NBAS: variants seen among roughly 807,000 people sequenced by gnomAD.
NBAS encodes the protein NBAS subunit of NRZ tethering complex.
NBAS carries 219 observed loss-of-function variants against 302.5 expected under a neutral mutation model. That is an observed-to-expected ratio of 0.72 (90% confidence interval 0.65 to 0.81). NBAS has a LOEUF of 0.81. NBAS is among the 30% of genes least tolerant of loss of function. The pLI is 0.00. For missense variants in NBAS, 2,932 were observed against 2,841.6 expected (o/e 1.03, Z -0.72); for synonymous variants, 1,118 against 1,021.6 (o/e 1.09, Z -1.80).
intron 50 of NBAS, among the ~76,000 whole-genome samples, chr2:15,180,941 T>A (rs1572405593): frequency 4.6e-5 from 7 of 152,274 alleles, no homozygotes; most frequent in Admixed American, 4.6e-4. Context: ...AAAACTATAC[T>A]TCCTCCGCAA....
intron 12 of NBAS, among the ~76,000 whole-genome samples, chr2:15,480,310 C>T (rs974872210): frequency 2.0e-5 from 3 of 151,630 alleles, no homozygotes; most frequent in African/African-American, 4.9e-5. Flanking sequence ...CACCACACTC[C>T]AGCCTGGGCA....
At chr2:15,113,401 C>G in the NBAS span, among the ~76,000 whole-genome samples, 2 of 139,532 alleles carry the variant, frequency 1.4e-5, no homozygotes, top group Non-Finnish European at 3.1e-5. Context: ...AGAAACAATG[C>G]CAATCTATTG....
intron 51 of NBAS, among the ~76,000 whole-genome samples, chr2:15,174,480 T>C (rs1199294133): frequency 6.6e-6 from 1 of 152,186 alleles, no homozygotes; most frequent in Non-Finnish European, 1.5e-5. Context: ...TGCTCTCGTG[T>C]CATAATCTCA....
the NBAS span, among the ~76,000 whole-genome samples, chr2:15,003,904 G>A: frequency 1.3e-5 from 2 of 152,140 alleles, no homozygotes; most frequent in Non-Finnish European, 2.9e-5. Context: ...ATAAATGCAG[G>A]ACACAGTATC....
chr2:15,414,717 G>T (rs1262286337), intron 25 of NBAS, among the ~76,000 whole-genome samples: 1 of 152,220 alleles, frequency 6.6e-6, no homozygotes, highest in African/African-American at 2.4e-5. Context: ...GGCCGAGGCA[G>T]GCGGATCACC....
chr2:14,921,777 T>G, the NBAS span, among the ~76,000 whole-genome samples: 1 of 152,278 alleles, frequency 6.6e-6, no homozygotes, highest in East Asian at 1.9e-4. Flanking sequence ...CCAAGCATCA[T>G]AGTTGGCTGA....
chr2:15,190,457 T>C, intron 48 of NBAS, 54 bp from the exon 49 acceptor site: 4 of 1,596,810 alleles, frequency 2.5e-6, no homozygotes, highest in Non-Finnish European at 3.4e-6. Context: ...TGAATTGGTT[T>C]ATAGAATAAT....
chr2:15,545,953 A>G (rs1381210247), intron 6 of NBAS, among the ~76,000 whole-genome samples: 2 of 152,196 alleles, frequency 1.3e-5, no homozygotes, highest in Non-Finnish European at 2.9e-5. Context: ...ATCAAATACA[A>G]TATCTAGTGG....
At chr2:15,137,890 C>G in the NBAS span, among the ~76,000 whole-genome samples, 1 of 152,202 alleles carries the variant, frequency 6.6e-6, no homozygotes, top group Non-Finnish European at 1.5e-5. Context: ...ACCCTCTTGT[C>G]TCAGCCCACT....
chr2:14,929,595 C>T, the NBAS span, among the ~76,000 whole-genome samples: 2 of 152,310 alleles, frequency 1.3e-5, no homozygotes, highest in Admixed American at 6.5e-5. Context: ...TCAGGCTGGT[C>T]TCGAGCTCCT....
intron 32 of NBAS, among the ~76,000 whole-genome samples, chr2:15,357,343 T>C (rs1027289308): frequency 6.6e-6 from 1 of 152,182 alleles, no homozygotes; most frequent in Admixed American, 6.5e-5. Context: ...TCACACTCAC[T>C]CAGAAGAGCC....
At chr2:15,459,299 C>T (rs1471817149) in intron 21 of NBAS, among the ~76,000 whole-genome samples, 2 of 152,110 alleles carry the variant, frequency 1.3e-5, no homozygotes, top group Admixed American at 1.3e-4. Context: ...GCCCTTTTCT[C>T]TATACTAACA....
chr2:15,396,220 A>C (rs1017411752), intron 27 of NBAS, among the ~76,000 whole-genome samples, 193 bp downstream of exon 27: 2 of 152,144 alleles, frequency 1.3e-5, no homozygotes, highest in African/African-American at 4.8e-5. Context: ...TTCAAAGACC[A>C]TGTTATTATT....
At chr2:14,936,554 G>T in the NBAS span, among the ~76,000 whole-genome samples, 1 of 152,184 alleles carries the variant, frequency 6.6e-6, no homozygotes, top group Non-Finnish European at 1.5e-5. Context: ...GGCATGTGGA[G>T]GCAGAAGCTC....
chr2:15,402,333 T>C, intron 25 of NBAS, 32 bp from the exon 26 acceptor site: 1 of 1,609,706 alleles, frequency 6.2e-7, no homozygotes, highest in South Asian at 1.1e-5. Flanking sequence ...GTACTAAATG[T>C]CAACAGATTT....
intron 21 of NBAS, among the ~76,000 whole-genome samples, chr2:15,432,344 C>G (rs969202703): frequency 1.3e-5 from 2 of 150,122 alleles, no homozygotes; most frequent in Non-Finnish European, 3.0e-5. Flanking sequence ...GCTGCTTTTA[C>G]TTAATTTTAG....
intron 44 of NBAS, among the ~76,000 whole-genome samples, chr2:15,273,998 T>C (rs1274410489): frequency 6.6e-6 from 1 of 151,618 alleles, no homozygotes; most frequent in African/African-American, 2.4e-5. Context: ...GAGAATGGCA[T>C]GAACCCAGGA....
chr2:15,500,281 T>G (rs1204739573), intron 11 of NBAS, among the ~76,000 whole-genome samples: 1 of 152,174 alleles, frequency 6.6e-6, no homozygotes, highest in Non-Finnish European at 1.5e-5. Flanking sequence ...AAGTACTACA[T>G]ATTCTTAAAG....
the NBAS span, among the ~76,000 whole-genome samples, chr2:15,030,212 A>G: frequency 5.3e-5 from 8 of 152,166 alleles, no homozygotes; most frequent in Non-Finnish European, 8.8e-5. Flanking sequence ...CACAAAAAAA[A>G]ATACACAGGA....
Sources: gnomAD v4.1 joint callset for allele counts (sites outside exome capture counted in the v4.1 genomes callset) on GRCh38, gnomAD v4.1.1 for gene constraint, MANE v1.5 for transcripts, NCBI Gene and HGNC (gene_info 2026-07-23, HGNC 2026-07-21) for gene names.